CRACDL: variants seen among roughly 807,000 people sequenced by gnomAD.
CRACDL encodes CRACD-like protein.
In CRACDL, 26 loss-of-function variants were observed where a neutral mutation model predicts 70.6. The ratio of observed to expected loss-of-function variants is 0.37; its 90% CI spans 0.27 to 0.51. The LOEUF (loss-of-function observed/expected upper bound fraction) is 0.51, where lower values mean the gene tolerates loss of function less well. Among genes scored for constraint, CRACDL ranks in the 20% least tolerant of loss-of-function variants. CRACDL has a pLI of 0.94. For synonymous variants in CRACDL, 618 were observed against 615.2 expected (o/e 1.00, Z -0.07); for missense variants, 1,283 against 1,376.9 (o/e 0.93, Z 1.08).
chr2:98,925,013 C>T (rs77170604), intron 1 of CRACDL, among the ~76,000 whole-genome samples: 4,946 of 152,134 alleles, frequency 0.033, 219 homozygotes, highest in South Asian at 0.18. Context: ...CTAAATAGCA[C>T]GGGGCCCCAC....
At chr2:98,830,324 C>CT (rs1275336112) in intron 5 of CRACDL, among the ~76,000 whole-genome samples, 2 of 152,168 alleles carry the variant, frequency 1.3e-5, no homozygotes, top group Admixed American at 6.5e-5. Flanking sequence ...ACTAAAGACT[C>CT]TTTTTTCCAC....
intron 7 of CRACDL, among the ~76,000 whole-genome samples, chr2:98,810,219 G>A (rs954607571): frequency 1.3e-5 from 2 of 152,186 alleles, no homozygotes; most frequent in African/African-American, 4.8e-5. Context: ...ATATGGGCAG[G>A]GGTGTGTACA....
intron 7 of CRACDL, among the ~76,000 whole-genome samples, chr2:98,798,817 G>A (rs1703951062): frequency 6.6e-6 from 1 of 151,856 alleles, no homozygotes; most frequent in African/African-American, 2.4e-5. Context: ...TTGGCCTCCT[G>A]AGCAGCTGGG....
At chr2:98,876,994 G>T (rs1015599326) in intron 1 of CRACDL, among the ~76,000 whole-genome samples, 1 of 152,232 alleles carries the variant, frequency 6.6e-6, no homozygotes, top group Non-Finnish European at 1.5e-5. Flanking sequence ...AAGCAAAAAT[G>T]CAACACCGGC....
intron 1 of CRACDL, among the ~76,000 whole-genome samples, chr2:98,881,955 G>C (rs1365525025): frequency 6.6e-6 from 1 of 152,212 alleles, no homozygotes; most frequent in East Asian, 1.9e-4. Flanking sequence ...CTGGGAAGGG[G>C]CATGATGCTT....
intron 1 of CRACDL, among the ~76,000 whole-genome samples, chr2:98,916,506 T>G (rs77336360): frequency 8.1e-5 from 9 of 111,242 alleles, no homozygotes; most frequent in South Asian, 3.3e-4. Context: ...AATAAAGCTG[T>G]TTTTTTTAAA....
chr2:98,904,599 G>A (rs1159741692), intron 1 of CRACDL, among the ~76,000 whole-genome samples: 1 of 152,208 alleles, frequency 6.6e-6, no homozygotes, highest in Non-Finnish European at 1.5e-5. Context: ...GGACCCATGA[G>A]TGTTTATTGA....
chr2:98,898,779 G>GC (rs1708193704), intron 1 of CRACDL, among the ~76,000 whole-genome samples: 1 of 152,208 alleles, frequency 6.6e-6, no homozygotes, highest in South Asian at 2.1e-4. Flanking sequence ...CAGAGCCGCC[G>GC]CCGCTGTGTT....
intron 1 of CRACDL, among the ~76,000 whole-genome samples, chr2:98,928,065 A>ATCCC (rs1708977617): frequency 6.6e-6 from 1 of 152,080 alleles, no homozygotes; most frequent in Non-Finnish European, 1.5e-5. Context: ...CGTGCCTGTA[A>ATCCC]TCCCAGCTAC....
intron 1 of CRACDL, among the ~76,000 whole-genome samples, chr2:98,923,597 C>A (rs900836856): frequency 7.2e-5 from 11 of 152,208 alleles, no homozygotes; most frequent in Admixed American, 6.5e-4. Context: ...CCCTGATGTA[C>A]ATGCACTATC....
At chr2:98,905,836 C>T (rs1573180540) in intron 1 of CRACDL, among the ~76,000 whole-genome samples, 1 of 152,082 alleles carries the variant, frequency 6.6e-6, no homozygotes, top group Non-Finnish European at 1.5e-5. Flanking sequence ...AGGCTGGTCT[C>T]GAACTCCTGA....
At chr2:98,795,043 A>T (rs1415183842) in intron 9 of CRACDL, among the ~76,000 whole-genome samples, 2 of 9,818 alleles carry the variant, frequency 2.0e-4, no homozygotes, top group Non-Finnish European at 3.5e-4. Context: ...AATTAAAAAT[A>T]TATATATATA....
Position 98,821,973 on chromosome 2 carries a change from A to G in CRACDL, c.2300T>C (p.Leu767Pro). 1 of 1,533,440 alleles carries G rather than the reference A, an allele frequency of 6.5e-7. No homozygotes were observed. The highest frequency in any genetic ancestry group is 8.8e-7 in the Non-Finnish European group (1 of 1,141,132). 95.0% of individuals were successfully genotyped at this position (1,533,440 alleles called of 1,614,324 possible). A position where few individuals can be genotyped will look rare whatever the true frequency, so the allele number is the denominator to read the frequency against. The change falls in exon 7 of 10, where the codon CTT becomes CCT. Residue 767 changes from leucine to proline, a missense_variant. Physicochemically the swap from Leu to Pro is moderately conservative, Grantham distance 98 (BLOSUM62 -3). This residue lies in a region of CRACDL where 921 missense variants were observed against 881.9 expected (regional missense o/e 1.04). Coordinates refer to ENST00000397899, the MANE Select transcript of CRACDL (RefSeq NM_207362.3). Reference sequence around the variant, plus strand: ...GTGCGGGAGCGTGAAGCTCTGCAGAAGCGGCTTCCGGGGCAGGGGCGGCTT... The same window carrying G: ...GTGCGGGAGCGTGAAGCTCTGCAGAGGCGGCTTCCGGGGCAGGGGCGGCTT... ...SSKPPLPRKP[L>P]LQSFTLPHQP...
chr2:98,903,001 C>T (rs571891266), intron 1 of CRACDL, among the ~76,000 whole-genome samples: 7 of 152,198 alleles, frequency 4.6e-5, no homozygotes, highest in Admixed American at 4.6e-4. Flanking sequence ...TTGGGGTGCA[C>T]CCCCAGGGCC....
At chr2:98,875,285 C>G (rs189098541) in intron 1 of CRACDL, among the ~76,000 whole-genome samples, 3 of 152,360 alleles carry the variant, frequency 2.0e-5, no homozygotes, top group Non-Finnish European at 4.4e-5. Flanking sequence ...GCTGCTGGCT[C>G]AGGTTTTCAC....
intron 5 of CRACDL, among the ~76,000 whole-genome samples, chr2:98,830,031 C>T (rs1280129113): frequency 2.0e-5 from 3 of 152,208 alleles, no homozygotes; most frequent in Non-Finnish European, 2.9e-5. Context: ...CATTTGCCAC[C>T]AGATCTGTGT....
chr2:98,843,705 C>A (rs545930769), intron 2 of CRACDL, among the ~76,000 whole-genome samples: 2 of 152,260 alleles, frequency 1.3e-5, no homozygotes, highest in East Asian at 3.9e-4. Flanking sequence ...GAACTCTACT[C>A]CCTTCTGTCT....
chr2:98,821,843 C>A lies in CRACDL; in HGVS notation c.2416+14G>T. ...CCAGGCCCTGCCCTTCCCGCACCCT[C>A]GGCGGGCTCTTACCAGCTCCCCTGC... On this transcript the variant is annotated intron_variant, in intron 7 of 9. Coordinates refer to ENST00000397899, the MANE Select transcript of CRACDL (RefSeq NM_207362.3). 2 of 1,606,632 alleles carry A rather than the reference C, an allele frequency of 1.2e-6. No homozygotes were observed. Among genetic ancestry groups the A allele is most frequent in the East Asian group, 2.2e-5 (1 of 44,736 alleles).
chr2:98,882,210 G>T (rs1312154051), intron 1 of CRACDL, among the ~76,000 whole-genome samples: 7 of 152,240 alleles, frequency 4.6e-5, no homozygotes, highest in African/African-American at 1.7e-4. Flanking sequence ...TGGTGAGGCA[G>T]CAGCTCTACT....
Sources: gnomAD v4.1 joint callset for allele counts (sites outside exome capture counted in the v4.1 genomes callset) on GRCh38, gnomAD v4.1.1 for gene constraint, gnomAD v4.1.1 regional missense constraint, MANE v1.5 for transcripts, NCBI Gene and HGNC (gene_info 2026-07-23, HGNC 2026-07-21) for gene names.